RAD50: variants seen among roughly 807,000 people sequenced by gnomAD.
The protein encoded by RAD50 is DNA repair protein RAD50.
A neutral mutation model predicts 168.8 loss-of-function variants in RAD50; 132 were observed. That is an observed-to-expected ratio of 0.78 (90% confidence interval 0.68 to 0.90). RAD50 has a LOEUF of 0.90. Ranked by LOEUF, RAD50 falls within the 40% of genes least tolerant of loss-of-function variation. The pLI, the probability that RAD50 is intolerant of heterozygous loss-of-function variation, is 0.00. For synonymous variants in RAD50, 525 were observed against 497.4 expected, an observed-to-expected ratio of 1.06 and a Z score of -0.74; for missense variants, 1,347 against 1,534.4, an observed-to-expected ratio of 0.88 and a Z score of 2.04.
At chr5:132,610,053 T>G (rs59568225) in intron 19 of RAD50, among the ~76,000 whole-genome samples, 26,955 of 151,144 alleles carry the variant, frequency 0.18, 2,542 homozygotes, top group South Asian at 0.22. Flanking sequence ...ATATTTAAAT[T>G]TACTTTTATG....
chr5:132,619,847 T>C (rs1200257608), intron 21 of RAD50, among the ~76,000 whole-genome samples: 1 of 124,438 alleles, frequency 8.0e-6, no homozygotes, highest in Non-Finnish European at 1.7e-5. Context: ...TATATATATA[T>C]ATATAAAGAT....
intron 21 of RAD50, among the ~76,000 whole-genome samples, chr5:132,634,438 T>A (rs951424480): frequency 3.3e-5 from 5 of 152,198 alleles, no homozygotes; most frequent in Non-Finnish European, 7.4e-5. Context: ...TTAGTCTGAA[T>A]AATTTTTCAG....
At position 132,557,450 on chromosome 5, in the gene RAD50, G is replaced by C. The variant is rs754823399; in HGVS notation, c.126G>C (p.Lys42Asn). Reference sequence around the variant, plus strand: ...TGGTTGGACCCAATGGGGCGGGAAAGACGGTAAGTCTTCAGTAGCCGCCTT... The same window carrying C: ...TGGTTGGACCCAATGGGGCGGGAAACACGGTAAGTCTTCAGTAGCCGCCTT... ...TILVGPNGAG[K>N]TTIIECLKYI... The change falls in exon 1 of 25, where the codon AAG becomes AAC. Residue 42 changes from lysine to asparagine, a missense_variant. Lys to Asn is a moderately conservative substitution (Grantham distance 94). Transcript: ENST00000378823. 1 of 1,614,142 alleles carries C rather than the reference G, an allele frequency of 6.2e-7. No individual in the cohort carries two copies. The highest frequency in any genetic ancestry group is 8.5e-7 in the Non-Finnish European group (1 of 1,179,964).
At chr5:132,588,311 G>C (rs911221014) in intron 7 of RAD50, among the ~76,000 whole-genome samples, 1 of 152,118 alleles carries the variant, frequency 6.6e-6, no homozygotes, top group Non-Finnish European at 1.5e-5. Flanking sequence ...AGGACAGGAG[G>C]GAGCTAGGTA....
chr5:132,642,590 A>AGCCTCTGTCAG lies in RAD50; in HGVS notation c.*231_*241dup. ...TGCTGCTCTTCATCCCATTCCAGGC[A>AGCCTCTGTCAG]GCCTCTGTCAGGCCTTCAGGGTTCA... is the stretch of plus-strand genomic sequence containing the variant. On this transcript the variant is annotated 3_prime_UTR_variant, in exon 25 of 25. Coordinates refer to ENST00000378823, the MANE Select transcript of RAD50 (RefSeq NM_005732.4). 1 of 571,352 alleles carries AGCCTCTGTCAG rather than the reference A, an allele frequency of 1.8e-6. No individual in the cohort carries two copies. 35.4% of individuals were successfully genotyped at this position (571,352 alleles called of 1,614,324 possible). A position where few individuals can be genotyped will look rare whatever the true frequency, so the allele number is the denominator to read the frequency against.
intron 5 of RAD50, 41 bp downstream of exon 5, chr5:132,580,107 T>A: frequency 3.4e-6 from 5 of 1,457,064 alleles, no homozygotes; most frequent in African/African-American, 1.4e-5. Context: ...ATTGTATATC[T>A]TTATGGTATA....
At chr5:132,602,144 A>T (rs1013193688) in intron 13 of RAD50, among the ~76,000 whole-genome samples, 1 of 151,646 alleles carries the variant, frequency 6.6e-6, no homozygotes, top group Non-Finnish European at 1.5e-5. Context: ...ATAAATAATT[A>T]AAAAATTTTA....
Position 132,621,953 on chromosome 5 carries a change from A to G in RAD50, c.3389+3659A>G, listed in dbSNP as rs114748477. Among the ~76,000 whole-genome samples, 538 of 151,700 alleles carry G rather than the reference A, an allele frequency of 3.5e-3. 2 individuals are homozygous for G. Among genetic ancestry groups the G allele is most frequent in the African/African-American group, 0.012 (502 of 41,334 alleles). ...TATTATTCTTTCTCCATTTCTCACT[A>G]TTTTCCCCTTCTTCACTTTTTATTA... On this transcript the variant is annotated intron_variant, in intron 21 of 24. Coordinates refer to ENST00000378823, the MANE Select transcript of RAD50 (RefSeq NM_005732.4).
In RAD50 at chr5:132,557,531, C is replaced by T. The variant is rs1750026445; in HGVS notation, c.129+78C>T. The T allele has an allele frequency of 1.3e-5, 20 of 1,585,950 alleles. No homozygotes were observed. The South Asian group carries it at 2.0e-4, about 16-fold the overall frequency. ...ATAAAATGGGAAGTTGAGAACTCTCCTTAGGAGCAGAAGCGTCCCTAGGGC... is the reference window on the plus strand; with the variant it reads ...ATAAAATGGGAAGTTGAGAACTCTCTTTAGGAGCAGAAGCGTCCCTAGGGC... On this transcript the variant is annotated intron_variant, in intron 1 of 24. Transcript: ENST00000378823.
At chr5:132,583,135 G>A (rs769713269) in intron 5 of RAD50, among the ~76,000 whole-genome samples, 8 of 152,160 alleles carry the variant, frequency 5.3e-5, no homozygotes, top group Non-Finnish European at 1.2e-4. Flanking sequence ...TACTCAAAAG[G>A]TATTTTCTGA....
chr5:132,611,046 T>C (rs1370073208), intron 19 of RAD50, among the ~76,000 whole-genome samples: 4 of 152,042 alleles, frequency 2.6e-5, no homozygotes, highest in African/African-American at 9.7e-5. Context: ...GAGAAGTGTA[T>C]AAAAAGTATG....
At position 132,609,098 on chromosome 5, in the gene RAD50, A is replaced by C; in HGVS notation, c.2830-19A>C. 2 of 1,609,420 alleles carry C rather than the reference A, an allele frequency of 1.2e-6. No homozygotes were observed. The highest frequency in any genetic ancestry group is 1.7e-6 in the Non-Finnish European group (2 of 1,178,498). On this transcript the variant is annotated intron_variant, in intron 17 of 24. Transcript: ENST00000378823. ...CCTTAAGTACAACCAGTGTAAATTTAATGAATATTTTTCTACAGCTGAATG... is the reference window on the plus strand; with the variant it reads ...CCTTAAGTACAACCAGTGTAAATTTCATGAATATTTTTCTACAGCTGAATG...
At chr5:132,633,580 G>GTTT (rs201196022) in intron 21 of RAD50, among the ~76,000 whole-genome samples, 3 of 147,720 alleles carry the variant, frequency 2.0e-5, no homozygotes, top group African/African-American at 7.5e-5. Flanking sequence ...TTTGTTTTTT[G>GTTT]TTTTTTGTTT....
intron 21 of RAD50, among the ~76,000 whole-genome samples, chr5:132,622,076 A>G (rs1475989588): frequency 6.6e-6 from 1 of 151,866 alleles, no homozygotes; most frequent in Non-Finnish European, 1.5e-5. Flanking sequence ...GCTGCTACTT[A>G]TACTGCCTAT....
Position 132,640,700 on chromosome 5 carries a change from C to G in RAD50, c.3647C>G (p.Ala1216Gly), listed in dbSNP as rs1314725075. The G allele has an allele frequency of 1.2e-6, 2 of 1,614,218 alleles. No individual in the cohort carries two copies. Among genetic ancestry groups the G allele is most frequent in the Admixed American group, 1.7e-5 (1 of 60,034 alleles). The part of the protein sequence containing the change: ...KVLASLIIRL[A>G]LAETFCLNCG... Reference sequence around the variant, plus strand: ...TTAGCCTCACTCATCATTCGCCTGGCCCTGGCTGAAACGTTCTGCCTCAAC... The same window carrying G: ...TTAGCCTCACTCATCATTCGCCTGGGCCTGGCTGAAACGTTCTGCCTCAAC... The change falls in exon 24 of 25, where the codon GCC becomes GGC. Residue 1216 changes from alanine (A) to glycine (G), a missense_variant. By Grantham distance (60) the Ala-to-Gly change is moderately conservative. Transcript: ENST00000378823.
chr5:132,616,057 C>T lies in RAD50; in HGVS notation c.3091C>T (p.Leu1031=). The part of the protein sequence containing the change: ...NLTLRKRNEE[L]KEVEEERKQH... ...TACTTTAAGAAAAAGAAATGAGGAA[C>T]TAAAAGAAGTTGAAGAAGAAAGAAA... The change falls in exon 20 of 25, where the codon CTA becomes TTA. Residue 1031 remains leucine, a synonymous_variant. Transcript: ENST00000378823. 1 of 1,608,880 alleles carries T rather than the reference C, an allele frequency of 6.2e-7. No homozygotes were observed. The highest frequency in any genetic ancestry group is 8.5e-7 in the Non-Finnish European group (1 of 1,175,704).
At chr5:132,604,068 TGTACTC>T in intron 15 of RAD50, 22 bp downstream of exon 15, 1 of 1,612,418 alleles carries the variant, frequency 6.2e-7, no homozygotes, top group Non-Finnish European at 8.5e-7. Context: ...TGTGTCCTTC[TGTACTC>T]ATAGAGACTT....
intron 21 of RAD50, among the ~76,000 whole-genome samples, chr5:132,634,970 A>T (rs1751545839): frequency 6.6e-6 from 1 of 152,162 alleles, no homozygotes; most frequent in South Asian, 2.1e-4. Flanking sequence ...TCATAAGAAA[A>T]ATAGCCTTGT....
At chr5:132,639,896 T>A (rs1751679096) in intron 23 of RAD50, among the ~76,000 whole-genome samples, 1 of 152,110 alleles carries the variant, frequency 6.6e-6, no homozygotes, top group East Asian at 1.9e-4. Context: ...TATTCTAAAA[T>A]TACCAACTCA....
Sources: gnomAD v4.1 joint callset for allele counts (sites outside exome capture counted in the v4.1 genomes callset) on GRCh38, gnomAD v4.1.1 for gene constraint, MANE v1.5 for transcripts, NCBI Gene and HGNC (gene_info 2026-07-23, HGNC 2026-07-21) for gene names.